COL18A1: variants seen among roughly 807,000 people sequenced by gnomAD.
COL18A1 encodes collagen type XVIII alpha 1 chain, also known as collagen alpha-1(XVIII) chain.
Under a neutral mutation model 168.0 loss-of-function variants are expected in COL18A1, and 133 were observed. That is an observed-to-expected ratio of 0.79 (90% CI 0.69 to 0.91). The LOEUF (loss-of-function observed/expected upper bound fraction) is 0.91. Ranked by LOEUF, COL18A1 falls within the 40% of genes least tolerant of loss-of-function variation. COL18A1 has a pLI of 0.00. For synonymous variants in COL18A1, 949 were observed against 809.0 expected (o/e 1.17, Z -2.94); for missense variants, 2,126 against 1,925.4 (o/e 1.10, Z -1.95).
intron 2 of COL18A1, chr21:45,456,219 G>A: frequency 1.2e-6 from 2 of 1,606,928 alleles, no homozygotes; most frequent in Middle Eastern, 1.7e-4. Context: ...GCCCCTCCCT[G>A]GGGAAGCCTG....
In COL18A1 at chr21:45,459,856, C is replaced by T. The variant is rs189933599; in HGVS notation, c.107-8386C>T. Among the ~76,000 whole-genome samples the T allele has an allele frequency of 2.0e-3, 298 of 152,242 alleles. 1 individual carries two copies. Among genetic ancestry groups the T allele is most frequent in the African/African-American group, 6.4e-3 (265 of 41,536 alleles). ...TGTCTCAGTGGGACTCTGTGAGTGA[C>T]ACATGGAGCTCAGGTCACAAGGGCT... On this transcript the variant is annotated intron_variant, in intron 2 of 41. Transcript: ENST00000651438.
intron 2 of COL18A1, among the ~76,000 whole-genome samples, chr21:45,444,117 C>T (rs1392147623): frequency 1.3e-5 from 2 of 152,212 alleles, no homozygotes; most frequent in Non-Finnish European, 2.9e-5. Context: ...CCTGGCCTGG[C>T]GTGGTCGTCC....
At position 45,421,473 on chromosome 21, in the gene COL18A1, G is replaced by A. The variant is rs368327106; in HGVS notation, c.106+16000G>A. 3 of 534,482 alleles carry A rather than the reference G, an allele frequency of 5.6e-6. No individual in the cohort carries two copies. The African/African-American group carries it at 5.8e-5, about 10-fold the overall frequency. 33.1% of individuals were successfully genotyped at this position (534,482 alleles called of 1,614,324 possible). A position where few individuals can be genotyped will look rare whatever the true frequency, so the allele number is the denominator to read the frequency against. On this transcript the variant is annotated intron_variant, in intron 2 of 41. Transcript: ENST00000651438. ...ACAGCCCTGGCGTCTCAGGAGCGGA[G>A]CAGGACACCGCGTTTCTGGCTGTGC...
chr21:45,479,767 C>G, intron 9 of COL18A1, 135 bp from the exon 10 acceptor site: 1 of 1,302,470 alleles, frequency 7.7e-7, no homozygotes, highest in East Asian at 2.5e-5. Flanking sequence ...CGCCCTCGTA[C>G]TTTCCGGGCC....
chr21:45,509,568 A>G lies in COL18A1; in HGVS notation c.3462A>G (p.Pro1154=). 6.5e-7 allele frequency: 1 copy of G among 1,528,484 alleles called. No homozygotes were observed. Among genetic ancestry groups the G allele is most frequent in the Non-Finnish European group, 8.8e-7 (1 of 1,139,914 alleles). 94.7% of individuals were successfully genotyped at this position (1,528,484 alleles called of 1,614,324 possible). A position where few individuals can be genotyped will look rare whatever the true frequency, so the allele number is the denominator to read the frequency against. The part of the protein sequence containing the change: ...VHLRPARPTS[P]PAHSHRDFQP... ...TGCGGCCGGCGCGACCCACAAGCCC[A>G]CCCGCCCACAGCCACCGCGACTTCC... Residue 1154 remains proline, a synonymous_variant, in exon 39 of 42, where the codon CCA becomes CCG. Transcript: ENST00000651438.
rs755721941 is a variant in COL18A1 at position 45,507,621 on chromosome 21, G to C, written c.3249+28G>C. ...AAGGAGCCTTTTTTCTGTTGAGACTGGTGGGTGGTCAGGACATGAGGGGGT... is the reference window on the plus strand; with the variant it reads ...AAGGAGCCTTTTTTCTGTTGAGACTCGTGGGTGGTCAGGACATGAGGGGGT... On this transcript the variant is annotated intron_variant, in intron 38 of 41. Coordinates refer to ENST00000651438, the MANE Select transcript of COL18A1 (RefSeq NM_001379500.1). 9 of 1,610,026 alleles carry C rather than the reference G, an allele frequency of 5.6e-6. No homozygotes were observed. In the Admixed American group the frequency reaches 1.3e-4, roughly 24 times the overall value.
chr21:45,451,076 G>C (rs568871723), intron 2 of COL18A1, among the ~76,000 whole-genome samples: 1 of 152,244 alleles, frequency 6.6e-6, no homozygotes, highest in Non-Finnish European at 1.5e-5. Context: ...GTCCTCTGGG[G>C]GGTGTGAGGT....
In COL18A1 at chr21:45,463,496, T is replaced by C. The variant is rs1256823294; in HGVS notation, c.107-4746T>C. ...TCCAAAAGAGTTCTAAGACAAATTC[T>C]GCCCATGCACTTGTTAATTAGTTGG... On this transcript the variant is annotated intron_variant, in intron 2 of 41. Transcript: ENST00000651438. The surrounding 1 kb of genome is among the most constrained non-coding windows in gnomAD (Gnocchi z 4.0). Among the ~76,000 whole-genome samples, 1 of 152,256 alleles carries C rather than the reference T, an allele frequency of 6.6e-6. No homozygotes were observed.
rs187721798 is a variant in COL18A1, at chr21:45,504,470, G to C, written c.2782G>C (p.Gly928Arg). 1,436 of 1,607,028 alleles carry C rather than the reference G, an allele frequency of 8.9e-4. 14 individuals are homozygous for C. The African/African-American group carries it at 0.017, about 19-fold the overall frequency. ...ACAGAAAGGCGAAAGGGGGGAGCCC[G>C]GGGGCGGCGGTTTCTTCGGCTCCAG... The part of the protein sequence containing the change: ...AGQKGERGEP[G>R]GGGFFGSSLP... Residue 928 changes from glycine to arginine, a missense_variant, in exon 34 of 42, where the codon GGG becomes CGG. Coordinates refer to ENST00000651438, the MANE Select transcript of COL18A1 (RefSeq NM_001379500.1).
At chr21:45,475,715 A>G (rs2145916372) in intron 5 of COL18A1, among the ~76,000 whole-genome samples, 180 bp downstream of exon 5, 1 of 152,136 alleles carries the variant, frequency 6.6e-6, no homozygotes, top group South Asian at 2.1e-4. Context: ...GCCTGGGCAC[A>G]GGCCCCGCTC....
Position 45,512,748 on chromosome 21 carries a change from C to G in COL18A1, c.*350C>G, listed in dbSNP as rs1372758141. The G allele has an allele frequency of 2.6e-6, 1 of 382,508 alleles. No homozygotes were observed. Among genetic ancestry groups the G allele is most frequent in the Non-Finnish European group, 4.9e-6 (1 of 202,258 alleles). The allele number at this position is 382,508 out of a possible 1,614,324, so 23.7% of individuals were successfully genotyped here. The stretch of plus-strand genomic sequence containing the variant: ...TTCCTGCTTTGGGAAGCCGTGCTCG[C>G]CCCAGCAGGTGCTGACTTCATCTCC... On this transcript the variant is annotated 3_prime_UTR_variant, in exon 42 of 42. Coordinates refer to ENST00000651438, the MANE Select transcript of COL18A1 (RefSeq NM_001379500.1).
intron 2 of COL18A1, among the ~76,000 whole-genome samples, chr21:45,411,759 C>CGGGGGGGGGGGG (rs1437966551): frequency 5.3e-4 from 4 of 7,570 alleles, no homozygotes; most frequent in Admixed American, 1.5e-3. Flanking sequence ...GGGCTGATGG[C>CGGGGGGGGGGGG]GGGGGGTGGG....
intron 2 of COL18A1, among the ~76,000 whole-genome samples, chr21:45,453,859 G>A (rs547610830): frequency 4.6e-4 from 70 of 152,290 alleles, no homozygotes; most frequent in Non-Finnish European, 7.6e-4. Flanking sequence ...CCCAGGAGGT[G>A]TATATTGGGG....
intron 9 of COL18A1, among the ~76,000 whole-genome samples, chr21:45,479,455 T>G (rs1168350648): frequency 1.3e-5 from 2 of 151,542 alleles, no homozygotes; most frequent in Non-Finnish European, 2.9e-5. Context: ...ACATTACACA[T>G]ACCACACGTG....
chr21:45,498,222 T>C lies in COL18A1; in HGVS notation c.2683+561T>C. 1.4e-6 allele frequency: 1 copy of C among 702,764 alleles called. No individual in the cohort carries two copies. 43.5% of individuals were successfully genotyped at this position (702,764 alleles called of 1,614,324 possible). On this transcript the variant is annotated intron_variant, in intron 32 of 41. Transcript: ENST00000651438. This position sits in a 1 kb window ranked among gnomAD's most constrained non-coding sequence, Gnocchi z 4.5. ...GGATAAAATGTGAGAAAACCACTGTTTGAGGATGTCTGGGGGCTGGCAGAG... is the reference window on the plus strand; with the variant it reads ...GGATAAAATGTGAGAAAACCACTGTCTGAGGATGTCTGGGGGCTGGCAGAG...
Position 45,484,055 on chromosome 21 carries a change from C to CACACACACACCTCTCCAGCATATGT in COL18A1, c.1701+1244_1701+1245insCTCTCCAGCATATGTACACACACAC, listed in dbSNP as rs1568913398. On this transcript the variant is annotated intron_variant, in intron 15 of 41. Transcript: ENST00000651438. ...CACACACACCTCTCCAGCATATGTA[C>CACACACACACCTCTCCAGCATATGT]ACACACACACACTTCTCCAGCATAT... Among the ~76,000 whole-genome samples the CACACACACACCTCTCCAGCATATGT allele has an allele frequency of 6.9e-4, 80 of 115,824 alleles. 11 individuals carry two copies. Among genetic ancestry groups the CACACACACACCTCTCCAGCATATGT allele is most frequent in the African/African-American group, 2.6e-3 (59 of 22,804 alleles). 76.0% of individuals were successfully genotyped at this position (115,824 alleles called of 152,430 possible). A position where few individuals can be genotyped will look rare whatever the true frequency, so the allele number is the denominator to read the frequency against.
chr21:45,414,920 T>C (rs1431787902), intron 2 of COL18A1, among the ~76,000 whole-genome samples: 2 of 151,990 alleles, frequency 1.3e-5, no homozygotes, highest in Non-Finnish European at 2.9e-5. Context: ...AGGGTCCTTA[T>C]AGAGAAGGGG....
Position 45,497,650 on chromosome 21 carries a change from C to T in COL18A1, c.2672C>T (p.Pro891Leu). 1 of 1,567,920 alleles carries T rather than the reference C, an allele frequency of 6.4e-7. No individual in the cohort carries two copies. The highest frequency in any genetic ancestry group is 8.6e-7 in the Non-Finnish European group (1 of 1,156,776). The change falls in exon 32 of 42, where the codon CCC (proline) becomes CTC (leucine). Residue 891 changes from proline to leucine, a missense_variant. Transcript: ENST00000651438. ...PKGAKGEVGP[P>L]GPPGQFPFDF... ...GGCGCCAAAGGAGAAGTGGGCCCCCCCGGACCACCAGGTGAGCAACTCTGG... is the reference window on the plus strand; with the variant it reads ...GGCGCCAAAGGAGAAGTGGGCCCCCTCGGACCACCAGGTGAGCAACTCTGG...
At position 45,490,890 on chromosome 21, in the gene COL18A1, GGTGGAT is replaced by G. The variant is rs1219683327; in HGVS notation, c.2067+21_2067+26del. 2 of 1,549,206 alleles carry G rather than the reference GGTGGAT, an allele frequency of 1.3e-6. No individual in the cohort carries two copies. Among genetic ancestry groups the G allele is most frequent in the South Asian group, 1.2e-5 (1 of 84,022 alleles). On this transcript the variant is annotated intron_variant, in intron 21 of 41. Transcript: ENST00000651438. ...AGAAAAGGTGAGTGTCCCTGGGGCG[GGTGGAT>G]GGGGATGGGGGGCGCTGGGACATCC...
Sources: gnomAD v4.1 joint callset for allele counts (sites outside exome capture counted in the v4.1 genomes callset) on GRCh38, gnomAD v4.1.1 for gene constraint, Gnocchi (gnomAD v3.1) non-coding constraint, MANE v1.5 for transcripts, NCBI Gene and HGNC (gene_info 2026-07-23, HGNC 2026-07-21) for gene names.